Variants in FCHSD2 observed in about 807,000 individuals in gnomAD.
FCHSD2 encodes the protein FCH and double SH3 domains 2, also known as F-BAR and double SH3 domains protein 2.
Under a neutral mutation model 108.1 loss-of-function variants are expected in FCHSD2, and 38 were observed. The observed-to-expected ratio is 0.35, with a 90% confidence interval of 0.27 to 0.46. FCHSD2 has a LOEUF of 0.46. Ranked by LOEUF, FCHSD2 falls within the 20% of genes least tolerant of loss-of-function variation. FCHSD2 has a pLI of 1.00. For synonymous variants in FCHSD2, 279 were observed against 314.7 expected, an observed-to-expected ratio of 0.89 and a Z score of 1.20; for missense variants, 751 against 897.8, an observed-to-expected ratio of 0.84 and a Z score of 2.09.
At chr11:72,900,183 C>G in intron 10 of FCHSD2, 1 of 1,063,310 alleles carries the variant, frequency 9.4e-7, no homozygotes. Flanking sequence ...CATCCCAACA[C>G]CAGGTCCCAC....
rs939107235 is a variant in FCHSD2, at chr11:73,111,055, T to G, written c.120-27315A>C. ...AAGATACATGCTATTATTTCAGGGG[T>G]TTTTTTTAATGTTTTAAGACTTGCT... On this transcript the variant is annotated intron_variant, in intron 2 of 19. Coordinates refer to ENST00000409418, the MANE Select transcript of FCHSD2 (RefSeq NM_014824.3). Among the ~76,000 whole-genome samples the G allele has an allele frequency of 7.9e-5, 12 of 151,938 alleles. No individual in the cohort carries two copies. In the East Asian group the frequency reaches 1.5e-3, roughly 20 times the overall value.
At chr11:73,028,794 G>GC (rs1858289973) in intron 3 of FCHSD2, among the ~76,000 whole-genome samples, 1 of 152,138 alleles carries the variant, frequency 6.6e-6, no homozygotes, top group African/African-American at 2.4e-5. Flanking sequence ...ATGATAGTGA[G>GC]TTCTCATGAG....
intron 3 of FCHSD2, among the ~76,000 whole-genome samples, chr11:73,081,690 C>A (rs943074018): frequency 3.3e-5 from 5 of 151,824 alleles, no homozygotes; most frequent in South Asian, 2.1e-4. Context: ...CTGCACTTGG[C>A]TAAAATAGCG....
chr11:73,069,472 TA>T (rs1859381878), intron 3 of FCHSD2, among the ~76,000 whole-genome samples: 1 of 151,454 alleles, frequency 6.6e-6, no homozygotes, highest in African/African-American at 2.4e-5. Flanking sequence ...CACACATCTC[TA>T]AAAAGAACCA....
intron 12 of FCHSD2, among the ~76,000 whole-genome samples, chr11:72,869,823 T>C (rs1182511400): frequency 6.6e-6 from 1 of 152,172 alleles, no homozygotes; most frequent in African/African-American, 2.4e-5. Flanking sequence ...TCCTGGACTT[T>C]TTCTCCTCTG....
intron 2 of FCHSD2, among the ~76,000 whole-genome samples, chr11:73,110,784 CTT>C (rs1860464728): frequency 6.6e-6 from 1 of 151,274 alleles, no homozygotes; most frequent in Admixed American, 6.6e-5. Flanking sequence ...ATTTTTTTTT[CTT>C]GTTTGATGTA....
At chr11:73,111,919 G>C (rs990320825) in intron 2 of FCHSD2, among the ~76,000 whole-genome samples, 1 of 151,836 alleles carries the variant, frequency 6.6e-6, no homozygotes, top group East Asian at 1.9e-4. Context: ...TTTAACTTTT[G>C]GTTGTTACTA....
chr11:72,963,627 G>C (rs879894306), intron 8 of FCHSD2, among the ~76,000 whole-genome samples: 1 of 152,208 alleles, frequency 6.6e-6, no homozygotes, highest in Non-Finnish European at 1.5e-5. Flanking sequence ...CCACAGATGG[G>C]TAGGGTGGGG....
chr11:73,082,347 A>AAG (rs1859712374), intron 3 of FCHSD2, among the ~76,000 whole-genome samples: 1 of 147,956 alleles, frequency 6.8e-6, no homozygotes, highest in Non-Finnish European at 1.5e-5. Context: ...AAAAAAAAAA[A>AAG]AAAAAAAAAA....
intron 8 of FCHSD2, among the ~76,000 whole-genome samples, chr11:72,927,093 T>C (rs746184838): frequency 8.5e-5 from 13 of 152,188 alleles, no homozygotes; most frequent in Non-Finnish European, 1.3e-4. Flanking sequence ...ACAAATGTAT[T>C]TCAGTCTTGC....
intron 3 of FCHSD2, among the ~76,000 whole-genome samples, chr11:73,025,046 T>C (rs560060676): frequency 3.9e-5 from 6 of 152,330 alleles, no homozygotes; most frequent in Admixed American, 1.3e-4. Flanking sequence ...TTTATGGAAG[T>C]GTAAATTAGC....
chr11:72,935,466 A>G (rs1007966045), intron 8 of FCHSD2, among the ~76,000 whole-genome samples: 1 of 152,244 alleles, frequency 6.6e-6, no homozygotes, highest in Non-Finnish European at 1.5e-5. Flanking sequence ...GGATATAAAT[A>G]TCAAGATGAT....
chr11:73,009,086 T>C (rs1234614721), intron 4 of FCHSD2, among the ~76,000 whole-genome samples: 2 of 150,724 alleles, frequency 1.3e-5, no homozygotes, highest in Non-Finnish European at 3.0e-5. Context: ...AAAAGTCTAA[T>C]GCAAATTGAG....
In FCHSD2 at chr11:73,142,148, A is replaced by AGACGGC. The variant is rs1861265177; in HGVS notation, c.-277_-272dup. 1.7e-5 allele frequency: 5 copies of AGACGGC among 286,730 alleles called. No homozygotes were observed. The East Asian group carries it at 3.0e-4, about 17-fold the overall frequency. The allele number at this position is 286,730 out of a possible 1,614,324, so 17.8% of individuals were successfully genotyped here. ...CGGGGGTGTGTGAGGAAGGAGGCGG[A>AGACGGC]GACGGCGAGGGGGCGGGGGCCCCAG... is the stretch of plus-strand genomic sequence containing the variant. On this transcript the variant is annotated 5_prime_UTR_variant, in exon 1 of 20. Coordinates refer to ENST00000409418, the MANE Select transcript of FCHSD2 (RefSeq NM_014824.3).
intron 2 of FCHSD2, among the ~76,000 whole-genome samples, chr11:73,088,596 A>G (rs1325461778): frequency 2.0e-5 from 3 of 151,896 alleles, no homozygotes; most frequent in Admixed American, 6.6e-5. Context: ...ATAATGTTTG[A>G]AAAAAAAGTC....
chr11:72,869,075 T>G (rs906391355), intron 12 of FCHSD2, among the ~76,000 whole-genome samples: 8 of 151,904 alleles, frequency 5.3e-5, no homozygotes, highest in Non-Finnish European at 5.9e-5. Flanking sequence ...CCCGGCTAAT[T>G]TTTGTATTTT....
chr11:72,921,602 A>C (rs2135310759), intron 9 of FCHSD2, among the ~76,000 whole-genome samples: 1 of 152,354 alleles, frequency 6.6e-6, no homozygotes, highest in Admixed American at 6.5e-5. Flanking sequence ...CAATGTTCTA[A>C]GCTACCTTGT....
At chr11:72,933,812 G>A (rs1449509086) in intron 8 of FCHSD2, among the ~76,000 whole-genome samples, 1 of 152,062 alleles carries the variant, frequency 6.6e-6, no homozygotes, top group Non-Finnish European at 1.5e-5. Context: ...TTAAAGTAAA[G>A]TAAAAACTAT....
At chr11:72,988,107 G>A (rs188718115) in intron 6 of FCHSD2, among the ~76,000 whole-genome samples, 1 of 152,140 alleles carries the variant, frequency 6.6e-6, no homozygotes, top group Non-Finnish European at 1.5e-5. Context: ...GTATTAGAAA[G>A]ATAGCCCCCT....
Sources: gnomAD v4.1 joint callset for allele counts (sites outside exome capture counted in the v4.1 genomes callset) on GRCh38, gnomAD v4.1.1 for gene constraint, MANE v1.5 for transcripts, NCBI Gene and HGNC (gene_info 2026-07-23, HGNC 2026-07-21) for gene names.